Variants in SH3YL1 observed in about 807,000 individuals in gnomAD.
SH3YL1 encodes SH3 and SYLF domain containing 1, also known as SH3 domain-containing YSC84-like protein 1.
Under a neutral mutation model 45.8 loss-of-function variants are expected in SH3YL1, and 41 were observed. That is an observed-to-expected ratio of 0.89 (90% confidence interval 0.70 to 1.16). SH3YL1 has a LOEUF of 1.16. SH3YL1 is among the 50% of genes most tolerant of loss of function. The pLI is 0.00. For missense variants in SH3YL1, 389 were observed against 409.6 expected (o/e 0.95, Z 0.43); for synonymous variants, 152 against 151.4 (o/e 1.00, Z -0.03).
intron 9 of SH3YL1, among the ~76,000 whole-genome samples, chr2:221,280 A>G (rs1006341398): frequency 6.6e-6 from 1 of 152,194 alleles, no homozygotes; most frequent in Non-Finnish European, 1.5e-5. Context: ...AGGGGGATTA[A>G]TGTGGTGACC....
intron 4 of SH3YL1, among the ~76,000 whole-genome samples, chr2:246,810 G>GA (rs1668836265): frequency 6.6e-6 from 1 of 151,952 alleles, no homozygotes; most frequent in African/African-American, 2.4e-5. Context: ...GAATAAAGAT[G>GA]AAAAAAGAGT....
chr2:219,693 G>A (rs1273750289), intron 9 of SH3YL1, among the ~76,000 whole-genome samples: 5 of 152,302 alleles, frequency 3.3e-5, no homozygotes, highest in African/African-American at 7.2e-5. Context: ...GCAGATATGT[G>A]AGCTTATATC....
At chr2:227,575 TA>T (rs1352911123) in intron 8 of SH3YL1, among the ~76,000 whole-genome samples, 1 of 152,026 alleles carries the variant, frequency 6.6e-6, no homozygotes, top group African/African-American at 2.4e-5. Context: ...AACAAATAAA[TA>T]AATAAATATA....
chr2:223,880 G>A (rs1667683877), intron 9 of SH3YL1, among the ~76,000 whole-genome samples: 1 of 152,174 alleles, frequency 6.6e-6, no homozygotes, highest in African/African-American at 2.4e-5. Flanking sequence ...AAACACTGGA[G>A]TGGGCTCCCA....
At chr2:250,352 A>C (rs1669023421) in intron 2 of SH3YL1, among the ~76,000 whole-genome samples, 1 of 152,238 alleles carries the variant, frequency 6.6e-6, no homozygotes, top group South Asian at 2.1e-4. Context: ...AAACAGAAAA[A>C]TTAAGTAATT....
At chr2:223,201 G>C (rs182831130) in intron 9 of SH3YL1, among the ~76,000 whole-genome samples, 1 of 152,146 alleles carries the variant, frequency 6.6e-6, no homozygotes, top group African/African-American at 2.4e-5. Flanking sequence ...AAAGTACGGG[G>C]GTTCGAACTG....
At chr2:242,683 A>T in intron 4 of SH3YL1, 1 of 1,320,386 alleles carries the variant, frequency 7.6e-7, no homozygotes. Flanking sequence ...TGAATGAATT[A>T]AACAACCAAA....
At chr2:259,980 G>T (rs1669518671) in intron 1 of SH3YL1, 1 of 151,896 alleles carries the variant, frequency 6.6e-6, no homozygotes, top group African/African-American at 2.4e-5. Flanking sequence ...ATTTTTACAT[G>T]ATCAGCAATT....
At chr2:258,003 T>C (rs994898484) in intron 1 of SH3YL1, among the ~76,000 whole-genome samples, 1 of 152,140 alleles carries the variant, frequency 6.6e-6, no homozygotes, top group Non-Finnish European at 1.5e-5. Flanking sequence ...ATTCTGTTCA[T>C]TGTTCTATGA....
intron 4 of SH3YL1, among the ~76,000 whole-genome samples, chr2:234,709 C>A (rs530493481): frequency 1.3e-5 from 2 of 152,120 alleles, no homozygotes; most frequent in African/African-American, 4.8e-5. Flanking sequence ...GCACCAGGGA[C>A]GATGGTGCTG....
chr2:232,961 T>C, intron 6 of SH3YL1, 140 bp downstream of exon 6: 1 of 608,910 alleles, frequency 1.6e-6, no homozygotes, highest in Non-Finnish European at 2.4e-6. Context: ...TTTGTATATT[T>C]AATTTTTAAA....
intron 1 of SH3YL1, among the ~76,000 whole-genome samples, chr2:255,050 C>T (rs2103054597): frequency 6.6e-6 from 1 of 152,302 alleles, no homozygotes; most frequent in Admixed American, 6.5e-5. Flanking sequence ...TAAAACCAAA[C>T]TATACTCAAA....
At chr2:249,416 T>C (rs1668976706) in intron 3 of SH3YL1, among the ~76,000 whole-genome samples, 1 of 152,200 alleles carries the variant, frequency 6.6e-6, no homozygotes, top group African/African-American at 2.4e-5. Context: ...AGAATTCATA[T>C]TAAACAAAAG....
intron 1 of SH3YL1, among the ~76,000 whole-genome samples, chr2:255,337 T>C (rs1323713144): frequency 6.6e-6 from 1 of 152,188 alleles, no homozygotes; most frequent in African/African-American, 2.4e-5. Flanking sequence ...ACTGGCTGGG[T>C]ACTCCCAGCA....
chr2:222,963 A>C (rs1187836046), intron 9 of SH3YL1: 1 of 152,246 alleles, frequency 6.6e-6, no homozygotes, highest in African/African-American at 2.4e-5. Flanking sequence ...AGCTGCGTTT[A>C]AAAAAATTCC....
At chr2:252,713 G>A (rs1295493946) in intron 2 of SH3YL1, among the ~76,000 whole-genome samples, 5 of 152,148 alleles carry the variant, frequency 3.3e-5, no homozygotes, top group Non-Finnish European at 7.4e-5. Context: ...TAATTAAGAG[G>A]GAGGTTGGTC....
At chr2:237,774 T>C (rs1572157744) in intron 4 of SH3YL1, among the ~76,000 whole-genome samples, 1 of 152,108 alleles carries the variant, frequency 6.6e-6, no homozygotes, top group East Asian at 1.9e-4. Flanking sequence ...TGTATGCATG[T>C]ATTAAATTAT....
chr2:222,400 A>C (rs1667616792), intron 9 of SH3YL1: 1 of 152,376 alleles, frequency 6.6e-6, no homozygotes, highest in Non-Finnish European at 1.5e-5. Flanking sequence ...CAGGAAAAAA[A>C]TCACAGCCTT....
chr2:223,795 G>A (rs191242265), intron 9 of SH3YL1, among the ~76,000 whole-genome samples: 4 of 152,198 alleles, frequency 2.6e-5, no homozygotes, highest in African/African-American at 7.2e-5. Context: ...GTGAGCCCCC[G>A]ACCATCGCAC....
Sources: gnomAD v4.1 joint callset for allele counts (sites outside exome capture counted in the v4.1 genomes callset) on GRCh38, gnomAD v4.1.1 for gene constraint, MANE v1.5 for transcripts, NCBI Gene and HGNC (gene_info 2026-07-23, HGNC 2026-07-21) for gene names.